LYST: variants seen among roughly 807,000 people sequenced by gnomAD.
The protein encoded by LYST is lysosomal trafficking regulator, also known as lysosomal-trafficking regulator.
Under a neutral mutation model 413.6 loss-of-function variants are expected in LYST, and 192 were observed. The observed-to-expected ratio is 0.46, with a 90% CI of 0.41 to 0.52. The LOEUF is 0.52. Ranked by LOEUF, LYST falls within the 20% of genes least tolerant of loss-of-function variation. The probability of loss-of-function intolerance (pLI) is 0.00; values close to 1 mark genes in which losing one functional copy is unlikely to be tolerated. For synonymous variants in LYST, 1,525 were observed against 1,567.3 expected (o/e 0.97, Z 0.64); for missense variants, 3,815 against 4,499.9 (o/e 0.85, Z 4.35).
chr1:235,694,011 CT>C (rs11389709), intron 46 of LYST, among the ~76,000 whole-genome samples: 109 of 135,576 alleles, frequency 8.0e-4, no homozygotes, highest in Middle Eastern at 3.7e-3. Context: ...TCTTCTTCTT[CT>C]TTTTTTTTTT....
chr1:235,865,378 G>A (rs1378391547), intron 1 of LYST, among the ~76,000 whole-genome samples: 1 of 152,054 alleles, frequency 6.6e-6, no homozygotes, highest in Non-Finnish European at 1.5e-5. Context: ...ATCTGACACA[G>A]CACATATTTT....
Position 235,662,234 on chromosome 1 carries a change from T to A in LYST, c.*706A>T, listed in dbSNP as rs529917460. The A allele has an allele frequency of 6.5e-6, 1 of 152,894 alleles. No homozygotes were observed. The highest frequency in any genetic ancestry group is 1.5e-5 in the Non-Finnish European group (1 of 68,480). The allele number at this position is 152,894 out of a possible 1,614,324, so 9.5% of individuals were successfully genotyped here. ...GCGTTACAGATTTTAAGTAAAATTT[T>A]TATGAAGAAACAGAATGTGTCTGAA... On this transcript the variant is annotated 3_prime_UTR_variant, in exon 53 of 53. Transcript: ENST00000389793.
intron 1 of LYST, among the ~76,000 whole-genome samples, chr1:235,861,965 G>A (rs1348195203): frequency 1.3e-5 from 2 of 152,200 alleles, no homozygotes; most frequent in Admixed American, 1.3e-4. Flanking sequence ...TAACTTACCA[G>A]TGTTAAATGA....
chr1:235,720,173 C>CAAAAA lies in LYST; in HGVS notation c.9560+483_9560+487dup, dbSNP rs71576484. On this transcript the variant is annotated intron_variant, in intron 40 of 52. Transcript: ENST00000389793. ...CTGGTGACAGAGTGAGACTCTGTCT[C>CAAAAA]AAAAAAAAAAAAAAAAAAAAAAAAA... Among the ~76,000 whole-genome samples the CAAAAA allele has an allele frequency of 7.4e-4, 7 of 9,470 alleles. 1 individual carries two copies. Among genetic ancestry groups the CAAAAA allele is most frequent in the African/African-American group, 1.4e-3 (6 of 4,258 alleles). The allele number at this position is 9,470 out of a possible 152,430, so 6.2% of individuals were successfully genotyped here.
At chr1:235,744,784 C>T (rs1204917987) in intron 29 of LYST, among the ~76,000 whole-genome samples, 2 of 151,108 alleles carry the variant, frequency 1.3e-5, no homozygotes, top group Non-Finnish European at 2.9e-5. Flanking sequence ...CCTGTAGTCA[C>T]AGCTACTCAG....
In LYST at chr1:235,766,211, C is replaced by T. The variant is rs1646243476; in HGVS notation, c.5989G>A (p.Ala1997Thr). The T allele has an allele frequency of 6.2e-7, 1 of 1,613,302 alleles. No individual in the cohort carries two copies. Among genetic ancestry groups the T allele is most frequent in the Admixed American group, 1.7e-5 (1 of 59,968 alleles). ...TCTGGAGGAGATCCAAGGACTTCTG[C>T]TATAATTTTCACAAATGATCTACAA... ...EVCRSFVKII[A>T]EVLGSPPDLE... Residue 1997 changes from alanine to threonine, a missense_variant, in exon 21 of 53, where the codon GCA (alanine) becomes ACA (threonine). By Grantham distance (58) the Ala-to-Thr change is moderately conservative. Coordinates refer to ENST00000389793, the MANE Select transcript of LYST (RefSeq NM_000081.4).
intron 3 of LYST, among the ~76,000 whole-genome samples, chr1:235,819,120 G>T (rs1460605762): frequency 6.6e-6 from 1 of 152,186 alleles, no homozygotes; most frequent in Non-Finnish European, 1.5e-5. Context: ...CCCTCTGCTG[G>T]AATTGTAGTC....
chr1:235,718,455 G>T (rs1446256171), intron 40 of LYST, among the ~76,000 whole-genome samples: 1 of 150,880 alleles, frequency 6.6e-6, no homozygotes, highest in Admixed American at 6.6e-5. Flanking sequence ...TGATTTTCAT[G>T]CCTCAGCTTC....
chr1:235,677,071 T>C lies in LYST; in HGVS notation c.11038+20A>G. 6.3e-7 allele frequency: 1 copy of C among 1,585,476 alleles called. No individual in the cohort carries two copies. The highest frequency in any genetic ancestry group is 1.1e-5 in the South Asian group (1 of 90,492). The stretch of plus-strand genomic sequence containing the variant: ...TTAGAGCACCAGCCAGCCCTGTGCT[T>C]TGGGTTGGAGCAAGCTCACCTGAAT... On this transcript the variant is annotated intron_variant, in intron 50 of 52. Coordinates refer to ENST00000389793, the MANE Select transcript of LYST (RefSeq NM_000081.4).
rs888410898 is a variant in LYST at position 235,879,767 on chromosome 1, C to T, written n.454+3420G>A. ...TTTTTTTTTTTTTGAGACGGAGTCT[C>T]GCTCTGTCGCCCAGGCTGGAGTGCA... On this transcript the variant is annotated intron_variant and non_coding_transcript_variant, in intron 1 of 11. Transcript: ENST00000465349. 3.2e-4 allele frequency among the ~76,000 whole-genome samples: 49 copies of T among 150,846 alleles called. 1 individual carries two copies. Among genetic ancestry groups the T allele is most frequent in the Admixed American group, 1.9e-3 (29 of 15,158 alleles).
chr1:235,755,489 G>C lies in LYST; in HGVS notation c.7218C>G (p.Gly2406=). ...AAGAACACACTTACTCTTCATCAAG[G>C]CCAATATGTCGACCAAAGAACATTT... ...FIEMFFGRHI[G]LDEEFDLEDV... is the part of the protein sequence containing the mutation. The change falls in exon 25 of 53, where the codon GGC becomes GGG. Residue 2406 remains glycine (G), a synonymous_variant. Transcript: ENST00000389793. 6.2e-7 allele frequency: 1 copy of C among 1,613,002 alleles called. No homozygotes were observed. Among genetic ancestry groups the C allele is most frequent in the Non-Finnish European group, 8.5e-7 (1 of 1,179,162 alleles).
At chr1:235,671,780 G>A (rs566382913) in intron 50 of LYST, among the ~76,000 whole-genome samples, 18 of 152,202 alleles carry the variant, frequency 1.2e-4, no homozygotes, top group Admixed American at 2.0e-4. Context: ...ATAGCCTGGC[G>A]TAGATATGTA....
At chr1:235,706,636 C>T (rs978627105) in intron 44 of LYST, among the ~76,000 whole-genome samples, 2 of 152,080 alleles carry the variant, frequency 1.3e-5, no homozygotes, top group African/African-American at 4.8e-5. Flanking sequence ...GCAAGTGAAC[C>T]TGAGGAAAAG....
At chr1:235,701,362 G>T (rs1051757817) in intron 45 of LYST, among the ~76,000 whole-genome samples, 2 of 152,192 alleles carry the variant, frequency 1.3e-5, no homozygotes, top group African/African-American at 4.8e-5. Flanking sequence ...GGGTGTGGTG[G>T]CTCGCATCTG....
Position 235,793,526 on chromosome 1 carries a change from A to T in LYST, c.4093T>A (p.Phe1365Ile). The T allele has an allele frequency of 6.4e-7, 1 of 1,572,244 alleles. No individual in the cohort carries two copies. Residue 1365 changes from phenylalanine to isoleucine, a missense_variant, in exon 11 of 53, where the codon TTT becomes ATT. Physicochemically the swap from Phe to Ile is conservative, Grantham distance 21. Coordinates refer to ENST00000389793, the MANE Select transcript of LYST (RefSeq NM_000081.4). ...ACTGTACAAGGAGATTTCTCCAGAAATATTCTCAAAAGAAGGGTTAGCTCT... is the reference window on the plus strand; with the variant it reads ...ACTGTACAAGGAGATTTCTCCAGAATTATTCTCAAAAGAAGGGTTAGCTCT... ...SEELTLLLRI[F>I]LEKSPCTKIL... is the part of the protein sequence containing the mutation.
rs538872429 is a variant in LYST at position 235,804,549 on chromosome 1, C to A, written c.3510G>T (p.Gly1170=). ...TATGTTCAAAATCTGCTGAATAATT[C>A]CCGAGGGCAACTCGAAGCAGGGCAT... ...LFDALLRVAL[G]NYSADFEHND... is the part of the protein sequence containing the mutation. The change falls in exon 7 of 53, where the codon GGG becomes GGT. Residue 1170 remains glycine (G), a synonymous_variant. Coordinates refer to ENST00000389793, the MANE Select transcript of LYST (RefSeq NM_000081.4). 5 of 1,613,684 alleles carry A rather than the reference C, an allele frequency of 3.1e-6. No homozygotes were observed. The South Asian group carries it at 5.5e-5, about 18-fold the overall frequency.
At chr1:235,782,591 G>C (rs950616868) in intron 14 of LYST, among the ~76,000 whole-genome samples, 4 of 152,152 alleles carry the variant, frequency 2.6e-5, no homozygotes, top group African/African-American at 9.7e-5. Flanking sequence ...GGGAGCCAAA[G>C]AGAGATACCT....
intron 1 of LYST, among the ~76,000 whole-genome samples, chr1:235,882,082 A>G (rs930238473): frequency 1.9e-4 from 28 of 149,924 alleles, no homozygotes; most frequent in Admixed American, 4.7e-4. Flanking sequence ...TTTCTTTCAC[A>G]CACACACACA....
At chr1:235,684,699 A>T (rs1660072126) in intron 48 of LYST, among the ~76,000 whole-genome samples, 1 of 152,012 alleles carries the variant, frequency 6.6e-6, no homozygotes, top group African/African-American at 2.4e-5. Context: ...TACTGCTGTG[A>T]TCTCGACCTT....
Sources: allele counts gnomAD v4.1 joint callset (sites outside exome capture counted in the v4.1 genomes callset), GRCh38; gene constraint gnomAD v4.1.1; transcripts MANE v1.5; gene names NCBI Gene and HGNC (gene_info 2026-07-23, HGNC 2026-07-21).